PHLDB2: variants seen among roughly 807,000 people sequenced by gnomAD.
PHLDB2 encodes pleckstrin homology-like domain family B member 2.
A neutral mutation model predicts 123.6 loss-of-function variants in PHLDB2; 71 were observed. The observed-to-expected ratio is 0.57, with a 90% CI of 0.47 to 0.70. The LOEUF (loss-of-function observed/expected upper bound fraction) is 0.70. Ranked by LOEUF, PHLDB2 falls within the 30% of genes least tolerant of loss-of-function variation. The probability of loss-of-function intolerance (pLI) is 0.00; values close to 1 mark genes in which losing one functional copy is unlikely to be tolerated. For missense variants in PHLDB2, 1,446 were observed against 1,519.5 expected (o/e 0.95, Z 0.80); for synonymous variants, 547 against 541.6 (o/e 1.01, Z -0.14).
chr3:111,795,385 T>C (rs1203277638), intron 1 of PHLDB2, among the ~76,000 whole-genome samples: 1 of 152,134 alleles, frequency 6.6e-6, no homozygotes, highest in Non-Finnish European at 1.5e-5. Context: ...TATGGTCCAT[T>C]TGAATGCAGT....
intron 6 of PHLDB2, 142 bp downstream of exon 6, chr3:111,932,539 T>C: frequency 1.2e-6 from 1 of 823,770 alleles, no homozygotes; most frequent in South Asian, 2.2e-5. Context: ...AATGGAAATA[T>C]GCATGCTAAC....
intron 2 of PHLDB2, chr3:111,885,853 A>T: frequency 2.0e-6 from 1 of 508,664 alleles, no homozygotes; most frequent in South Asian, 2.6e-5. Context: ...ATTTGTCTTT[A>T]TAGCAAGTTG....
chr3:111,863,881 G>T (rs1182055256), intron 1 of PHLDB2, among the ~76,000 whole-genome samples: 1 of 152,178 alleles, frequency 6.6e-6, no homozygotes, highest in Admixed American at 6.5e-5. Context: ...TTACAAACAT[G>T]TATACTCTCC....
chr3:111,862,999 G>T (rs1423856999), intron 1 of PHLDB2, among the ~76,000 whole-genome samples: 1 of 152,086 alleles, frequency 6.6e-6, no homozygotes. Flanking sequence ...TCAGGCAAAT[G>T]GGAACAAAAA....
chr3:111,954,648 C>G (rs2070929346), intron 12 of PHLDB2, among the ~76,000 whole-genome samples: 1 of 152,136 alleles, frequency 6.6e-6, no homozygotes, highest in South Asian at 2.1e-4. Context: ...GCTAAGCTTC[C>G]TGTTGAGAGG....
At chr3:111,863,316 T>C (rs2064924775) in intron 1 of PHLDB2, among the ~76,000 whole-genome samples, 1 of 152,108 alleles carries the variant, frequency 6.6e-6, no homozygotes. Context: ...CCCTGCCTTA[T>C]CGGTTAAGAG....
At chr3:111,850,284 A>C (rs1354696625) in intron 2 of PHLDB2, among the ~76,000 whole-genome samples, 1 of 152,190 alleles carries the variant, frequency 6.6e-6, no homozygotes, top group Admixed American at 6.5e-5. Context: ...AATGGACTTT[A>C]GAAACTCAAA....
intron 2 of PHLDB2, among the ~76,000 whole-genome samples, chr3:111,900,383 A>C (rs1297070114): frequency 6.6e-6 from 1 of 152,174 alleles, no homozygotes; most frequent in Non-Finnish European, 1.5e-5. Flanking sequence ...TTTGCTTTAA[A>C]GTGTGAGATC....
chr3:111,774,549 A>G (rs1460197692), intron 1 of PHLDB2, among the ~76,000 whole-genome samples: 1 of 152,186 alleles, frequency 6.6e-6, no homozygotes, highest in Non-Finnish European at 1.5e-5. Context: ...GTCCTGGGAA[A>G]GGGCACCACT....
chr3:111,779,463 A>G (rs1338755614), intron 1 of PHLDB2, among the ~76,000 whole-genome samples: 2 of 151,864 alleles, frequency 1.3e-5, no homozygotes, highest in East Asian at 1.9e-4. Context: ...TGTGTACCCA[A>G]TGTTGAGCTC....
chr3:111,948,845 T>C, intron 9 of PHLDB2, 87 bp from the exon 10 acceptor site: 1 of 1,331,494 alleles, frequency 7.5e-7, no homozygotes, highest in South Asian at 1.3e-5. Context: ...CGCTCTAAGC[T>C]AACTTCATTG....
intron 1 of PHLDB2, chr3:111,778,581 C>T (rs577379813): frequency 6.6e-6 from 1 of 152,176 alleles, no homozygotes; most frequent in East Asian, 1.9e-4. Flanking sequence ...ACCCTCAGAG[C>T]CGTAACTGCC....
intron 1 of PHLDB2, among the ~76,000 whole-genome samples, chr3:111,775,098 G>C (rs926585754): frequency 6.6e-6 from 1 of 151,990 alleles, no homozygotes; most frequent in Non-Finnish European, 1.5e-5. Context: ...AGTGAACAGG[G>C]GAGTCAATTG....
At position 111,884,099 on chromosome 3, in the gene PHLDB2, C is replaced by A. The variant is rs1429290426; in HGVS notation, c.22C>A (p.Gln8Lys). The A allele has an allele frequency of 6.2e-7, 1 of 1,613,686 alleles. No individual in the cohort carries two copies. The highest frequency in any genetic ancestry group is 1.7e-5 in the Admixed American group (1 of 59,974). The change falls in exon 2 of 18, where the codon CAA becomes AAA. Residue 8 changes from glutamine to lysine, a missense_variant. Coordinates refer to ENST00000431670, the MANE Select transcript of PHLDB2 (RefSeq NM_001134438.2). MEEHSYIQKELDLQNGSL... is the reference protein window; with the variant it reads MEEHSYIKKELDLQNGSL... Reference sequence around the variant, plus strand: ...GATTATGGAAGAGCATAGCTACATACAAAAGGAGCTAGATTTACAAAATGG... The same window carrying A: ...GATTATGGAAGAGCATAGCTACATAAAAAAGGAGCTAGATTTACAAAATGG...
intron 12 of PHLDB2, among the ~76,000 whole-genome samples, chr3:111,955,305 T>A (rs767001874): frequency 2.7e-4 from 41 of 152,210 alleles, no homozygotes; most frequent in Non-Finnish European, 4.3e-4. Flanking sequence ...CTATTTTATT[T>A]TCTTTGCCAT....
intron 2 of PHLDB2, among the ~76,000 whole-genome samples, chr3:111,901,789 G>T (rs911200849): frequency 6.6e-6 from 1 of 152,142 alleles, no homozygotes; most frequent in African/African-American, 2.4e-5. Flanking sequence ...ATGGGCTCAG[G>T]CACTGTGCAG....
intron 1 of PHLDB2, among the ~76,000 whole-genome samples, chr3:111,804,143 T>C (rs2061483730): frequency 6.6e-6 from 1 of 152,216 alleles, no homozygotes; most frequent in African/African-American, 2.4e-5. Flanking sequence ...GTGAACTGTA[T>C]ATAGGTATAT....
At chr3:111,892,074 A>G (rs1203427319) in intron 2 of PHLDB2, among the ~76,000 whole-genome samples, 1 of 152,218 alleles carries the variant, frequency 6.6e-6, no homozygotes, top group Non-Finnish European at 1.5e-5. Context: ...ATGCAGGGCC[A>G]CATTGATACT....
intron 6 of PHLDB2, among the ~76,000 whole-genome samples, chr3:111,935,449 A>G (rs2069418232): frequency 6.6e-6 from 1 of 152,074 alleles, no homozygotes; most frequent in Non-Finnish European, 1.5e-5. Flanking sequence ...TAAGGAGTGT[A>G]TTAGTCAGGG....
Sources: gnomAD v4.1 joint callset for allele counts (sites outside exome capture counted in the v4.1 genomes callset) on GRCh38, gnomAD v4.1.1 for gene constraint, MANE v1.5 for transcripts, NCBI Gene and HGNC (gene_info 2026-07-23, HGNC 2026-07-21) for gene names.